Variants in GNE observed in about 807,000 individuals in gnomAD.
The protein encoded by GNE is glucosamine (UDP-N-acetyl)-2-epimerase/N-acetylmannosamine kinase.
In GNE, 41 loss-of-function variants were observed where a neutral mutation model predicts 61.8. The ratio of observed to expected loss-of-function variants is 0.66; its 90% confidence interval spans 0.52 to 0.86. GNE has a LOEUF of 0.86. Among genes scored for constraint, GNE ranks in the 40% least tolerant of loss-of-function variants. The pLI is 0.00. For synonymous variants in GNE, 264 were observed against 326.4 expected (o/e 0.81, Z 2.06); for missense variants, 608 against 909.1 (o/e 0.67, Z 4.26).
At position 36,233,241 on chromosome 9, in the gene GNE, G is replaced by A. The variant is rs57983358; in HGVS notation, c.982+679C>T. 3.6e-3 allele frequency among the ~76,000 whole-genome samples: 547 copies of A among 152,218 alleles called. 5 individuals are homozygous for A. Among genetic ancestry groups the A allele is most frequent in the African/African-American group, 0.013 (526 of 41,534 alleles). On this transcript the variant is annotated intron_variant, in intron 5 of 11. Coordinates refer to ENST00000642385, the MANE Select transcript of GNE (RefSeq NM_005476.7). ...TTATACTTAAGGGGCACTTTACTTA[G>A]AACTACCATACTCTAAAGTACTGAC...
chr9:36,275,174 TTCTTCCTTATAAACCTGGGCTTTC>T (rs1831215703), intron 1 of GNE, among the ~76,000 whole-genome samples: 1 of 152,228 alleles, frequency 6.6e-6, no homozygotes. Context: ...TTGAGCTTTC[TTCTTCCTTATAAACCTGGGCTTTC>T]TCTTCCGTCC....
At chr9:36,275,837 T>C (rs1331406714) in intron 1 of GNE, among the ~76,000 whole-genome samples, 1 of 152,092 alleles carries the variant, frequency 6.6e-6, no homozygotes, top group Non-Finnish European at 1.5e-5. Context: ...AGGAGTAAAC[T>C]GTGTTGGCAA....
In GNE at chr9:36,216,013, C is replaced by T. The variant is rs912589946; in HGVS notation, c.*1352G>A. The T allele has an allele frequency of 7.0e-6, 2 of 287,258 alleles. No homozygotes were observed. The highest frequency in any genetic ancestry group is 1.4e-5 in the Non-Finnish European group (2 of 142,610). 17.8% of individuals were successfully genotyped at this position (287,258 alleles called of 1,614,324 possible). On this transcript the variant is annotated 3_prime_UTR_variant, in exon 12 of 12. Coordinates refer to ENST00000642385, the MANE Select transcript of GNE (RefSeq NM_005476.7). ...TCCTAAGAAGATAAGGACAAGGTCA[C>T]TAAGGCCACTGTAATTTAGATCCCT...
chr9:36,227,325 GGTC>G lies in GNE; in HGVS notation c.1201_1203del (p.Asp401del). On this transcript the variant is annotated inframe_deletion, in exon 7 of 12. Transcript: ENST00000642385. ...AAGGCACTTAGAGTTTCAAGAATATGGTCAATATCTTGAGAGATATTCTCCTTC... is the reference window on the plus strand; with the variant it reads ...AAGGCACTTAGAGTTTCAAGAATATGAATATCTTGAGAGATATTCTCCTTC... 1 of 1,612,854 alleles carries G rather than the reference GGTC, an allele frequency of 6.2e-7. No individual in the cohort carries two copies. The highest frequency in any genetic ancestry group is 1.3e-5 in the African/African-American group (1 of 74,986).
At position 36,222,948 on chromosome 9, in the gene GNE, A is replaced by C; in HGVS notation, c.1462T>G (p.Ser488Ala). 1 of 1,614,148 alleles carries C rather than the reference A, an allele frequency of 6.2e-7. No homozygotes were observed. The highest frequency in any genetic ancestry group is 1.1e-5 in the South Asian group (1 of 91,074). ...TTCCACTCTTGGATCAGTTTGGTTG[A>C]ATGCAGCACAATTCCTTCCCGAGGA... ...VNPREGIVLH[S>A]TKLIQEWNSV... is the part of the protein sequence containing the mutation. Residue 488 changes from serine to alanine, a missense_variant, in exon 9 of 12, where the codon TCA becomes GCA. By Grantham distance (99) the Ser-to-Ala change is moderately conservative. Coordinates refer to ENST00000642385, the MANE Select transcript of GNE (RefSeq NM_005476.7).
intron 1 of GNE, among the ~76,000 whole-genome samples, chr9:36,255,569 A>G (rs1348103547): frequency 6.6e-6 from 1 of 152,102 alleles, no homozygotes; most frequent in Non-Finnish European, 1.5e-5. Context: ...GAAAGAAACT[A>G]TAGTACGAAT....
At position 36,219,938 on chromosome 9, in the gene GNE, C is replaced by T. The variant is rs1294027346; in HGVS notation, c.1716G>A (p.Val572=). The change falls in exon 10 of 12, where the codon GTG becomes GTA. Residue 572 remains valine, a synonymous_variant. Coordinates refer to ENST00000642385, the MANE Select transcript of GNE (RefSeq NM_005476.7). ...FCAAELGHLV[V]SLDGPDCSCG... is the part of the protein sequence containing the mutation. Reference sequence around the variant, plus strand: ...AGGAACAATCAGGCCCATCCAGAGACACAACAAGGTGGCCCAGTTCTGCAG... The same window carrying T: ...AGGAACAATCAGGCCCATCCAGAGATACAACAAGGTGGCCCAGTTCTGCAG... The T allele has an allele frequency of 1.2e-6, 2 of 1,614,022 alleles. No individual in the cohort carries two copies. Among genetic ancestry groups the T allele is most frequent in the Admixed American group, 1.7e-5 (1 of 60,008 alleles).
intron 1 of GNE, among the ~76,000 whole-genome samples, chr9:36,273,057 G>A (rs1262787026): frequency 6.6e-6 from 1 of 151,706 alleles, no homozygotes; most frequent in Non-Finnish European, 1.5e-5. Flanking sequence ...TGCACTTAGA[G>A]AAGCAGGTTT....
rs928963546 is a variant in GNE, at chr9:36,254,877, G to A, written c.-43+3444C>T. Among the ~76,000 whole-genome samples, 13 of 151,724 alleles carry A rather than the reference G, an allele frequency of 8.6e-5. 1 individual carries two copies. The highest frequency in any genetic ancestry group is 2.9e-4 in the African/African-American group (12 of 41,406). On this transcript the variant is annotated intron_variant, in intron 1 of 11. Transcript: ENST00000642385. ...TGAGGCAGGAGAATCACTTGAACCCGGGAGGCGGAGGTTGCAGTGAGCCGA... is the reference window on the plus strand; with the variant it reads ...TGAGGCAGGAGAATCACTTGAACCCAGGAGGCGGAGGTTGCAGTGAGCCGA...
rs1828427504 is a variant in GNE at position 36,218,365 on chromosome 9, C to G, written c.1817-66G>C. ...TGGGGAGGCCAAGCTCACCACTGGG[C>G]CTGTGGAAAGCAAGCCCCTACATGG... is the stretch of plus-strand genomic sequence containing the variant. On this transcript the variant is annotated intron_variant, in intron 10 of 11. Transcript: ENST00000642385. This position sits in a 1 kb window ranked among gnomAD's most constrained non-coding sequence, Gnocchi z 4.1. The G allele has an allele frequency of 8.6e-7, 1 of 1,163,068 alleles. No homozygotes were observed. Among genetic ancestry groups the G allele is most frequent in the Admixed American group, 1.7e-5 (1 of 59,096 alleles). 72.0% of individuals were successfully genotyped at this position (1,163,068 alleles called of 1,614,324 possible).
chr9:36,238,333 C>CTTTAAGG (rs1829489908), intron 3 of GNE, among the ~76,000 whole-genome samples: 1 of 151,166 alleles, frequency 6.6e-6, no homozygotes, highest in African/African-American at 2.5e-5. Context: ...TGGTAGTTTT[C>CTTTAAGG]CATAGCGGCT....
intron 3 of GNE, among the ~76,000 whole-genome samples, chr9:36,238,535 T>C (rs1403318302): frequency 6.6e-6 from 1 of 152,242 alleles, no homozygotes; most frequent in Non-Finnish European, 1.5e-5. Flanking sequence ...TTGTTGGCCA[T>C]TTGTATATTT....
upstream of GNE, among the ~76,000 whole-genome samples, chr9:36,260,302 A>C (rs1830566425): frequency 6.6e-6 from 1 of 151,384 alleles, no homozygotes; most frequent in Non-Finnish European, 1.5e-5. Flanking sequence ...AAAAAAAGAA[A>C]GAAAGAAAGA....
At chr9:36,273,423 G>A (rs1239108062) in intron 1 of GNE, among the ~76,000 whole-genome samples, 1 of 151,724 alleles carries the variant, frequency 6.6e-6, no homozygotes, top group Non-Finnish European at 1.5e-5. Context: ...CGACATGTTG[G>A]CCAGGCTGGT....
chr9:36,246,846 T>C (rs1829901522), intron 2 of GNE, among the ~76,000 whole-genome samples: 1 of 151,676 alleles, frequency 6.6e-6, no homozygotes, highest in African/African-American at 2.4e-5. Context: ...TTTTTCTATT[T>C]TTAGTACAGA....
chr9:36,241,428 G>A lies in GNE; in HGVS notation c.617-4444C>T, dbSNP rs145944136. 5.1e-3 allele frequency among the ~76,000 whole-genome samples: 777 copies of A among 152,226 alleles called. 2 individuals are homozygous for A. Among genetic ancestry groups the A allele is most frequent in the Admixed American group, 7.7e-3 (117 of 15,268 alleles). On this transcript the variant is annotated intron_variant, in intron 3 of 11. Transcript: ENST00000642385. ...CTGTGCCCAGCAACAGTTTCTTTAT[G>A]AAAGAAGGATGGCAAAGTAGCAAAA...
intron 1 of GNE, among the ~76,000 whole-genome samples, chr9:36,257,018 A>G (rs1421263047): frequency 6.6e-6 from 1 of 152,154 alleles, no homozygotes; most frequent in African/African-American, 2.4e-5. Context: ...AGCCTGACCA[A>G]CATGGTGAAA....
At chr9:36,268,524 G>C (rs1435878534) in intron 1 of GNE, among the ~76,000 whole-genome samples, 1 of 151,876 alleles carries the variant, frequency 6.6e-6, no homozygotes, top group Non-Finnish European at 1.5e-5. Flanking sequence ...AAAATTAGCT[G>C]GGTATCGTGG....
intron 10 of GNE, among the ~76,000 whole-genome samples, chr9:36,219,509 A>G (rs2133004132): frequency 6.6e-6 from 1 of 152,362 alleles, no homozygotes; most frequent in East Asian, 1.9e-4. Context: ...TGATATATAC[A>G]TAACATGTTT....
Sources: gnomAD v4.1 joint callset for allele counts (sites outside exome capture counted in the v4.1 genomes callset) on GRCh38, gnomAD v4.1.1 for gene constraint, Gnocchi (gnomAD v3.1) non-coding constraint, MANE v1.5 for transcripts, NCBI Gene and HGNC (gene_info 2026-07-23, HGNC 2026-07-21) for gene names.